ABI3BP: variants seen among roughly 807,000 people sequenced by gnomAD.
ABI3BP encodes the protein target of Nesh-SH3.
In ABI3BP, 216 loss-of-function variants were observed where a neutral mutation model predicts 268.6. The ratio of observed to expected loss-of-function variants is 0.80; its 90% CI spans 0.72 to 0.90. The LOEUF is 0.90. Among genes scored for constraint, ABI3BP ranks in the 40% least tolerant of loss-of-function variants. The pLI is 0.00. For synonymous variants in ABI3BP, 730 were observed against 730.0 expected, an observed-to-expected ratio of 1.00 and a Z score of 0.00; for missense variants, 2,090 against 2,182.4, an observed-to-expected ratio of 0.96 and a Z score of 0.84.
chr3:100,858,585 C>T (rs898791436), intron 14 of ABI3BP, among the ~76,000 whole-genome samples: 3 of 152,128 alleles, frequency 2.0e-5, no homozygotes, highest in African/African-American at 4.8e-5. Context: ...ATGTTGAAAA[C>T]AGATCCAGAA....
At chr3:100,865,370 C>T (rs1275739173) in intron 10 of ABI3BP, among the ~76,000 whole-genome samples, 2 of 152,048 alleles carry the variant, frequency 1.3e-5, no homozygotes, top group East Asian at 1.9e-4. Flanking sequence ...TTAGAGCTAC[C>T]ACATTATAAG....
intron 1 of ABI3BP, among the ~76,000 whole-genome samples, chr3:100,957,485 T>A (rs958441820): frequency 1.3e-5 from 2 of 151,638 alleles, no homozygotes; most frequent in Admixed American, 6.6e-5. Context: ...TTGAAGGGAG[T>A]GGTCAGGGCT....
At chr3:100,811,340 T>C (rs1560329140) in intron 47 of ABI3BP, 63 bp from the exon 48 acceptor site, 2 of 1,214,390 alleles carry the variant, frequency 1.6e-6, no homozygotes, top group Non-Finnish European at 2.3e-6. Context: ...AGCATTTTTT[T>C]GAATATCAAA....
In ABI3BP at chr3:100,946,488, T is replaced by C. The variant is rs1206717826; in HGVS notation, c.80-20007A>G. On this transcript the variant is annotated intron_variant, in intron 1 of 67. Coordinates refer to ENST00000471714, the MANE Select transcript of ABI3BP (RefSeq NM_001375547.2). ...AAAACAATACAATGACCATTGACAT[T>C]GTTAGAAATGAGTTTGAAGGCTGGG... 7.9e-5 allele frequency among the ~76,000 whole-genome samples: 12 copies of C among 151,810 alleles called. No homozygotes were observed. The East Asian group carries it at 2.3e-3, about 29-fold the overall frequency.
intron 12 of ABI3BP, 68 bp from the exon 13 acceptor site, chr3:100,862,977 T>G (rs2099014263): frequency 8.0e-7 from 1 of 1,256,528 alleles, no homozygotes; most frequent in African/African-American, 1.5e-5. Context: ...TTTAAAATTT[T>G]AAGCTTGCAA....
intron 49 of ABI3BP, 88 bp from the exon 50 acceptor site, chr3:100,808,323 G>C: frequency 1.1e-6 from 1 of 950,616 alleles, no homozygotes; most frequent in Non-Finnish European, 1.5e-6. Flanking sequence ...TGTTTACTGA[G>C]TGATTGAAGA....
intron 1 of ABI3BP, among the ~76,000 whole-genome samples, chr3:100,939,626 T>C (rs1397591510): frequency 6.6e-6 from 1 of 151,908 alleles, no homozygotes; most frequent in East Asian, 1.9e-4. Flanking sequence ...TACAAGGTAA[T>C]AGAATATCAC....
intron 3 of ABI3BP, among the ~76,000 whole-genome samples, chr3:100,900,002 T>G (rs528291389): frequency 2.0e-5 from 3 of 152,200 alleles, no homozygotes; most frequent in Admixed American, 6.5e-5. Context: ...TTTTGTTAAA[T>G]TTAAGTTCTG....
At position 100,749,555 on chromosome 3, in the gene ABI3BP, G is replaced by GAATT. The variant is rs1467450316; in HGVS notation, c.*936_*939dup. The stretch of plus-strand genomic sequence containing the variant: ...GTTAGTTAGATTTTTATTACAGATT[G>GAATT]AATTAAACAGTTACAAAGACATTCT... On this transcript the variant is annotated 3_prime_UTR_variant, in exon 68 of 68. Coordinates refer to ENST00000471714, the MANE Select transcript of ABI3BP (RefSeq NM_001375547.2). 1 of 353,638 alleles carries GAATT rather than the reference G, an allele frequency of 2.8e-6. No individual in the cohort carries two copies. Among genetic ancestry groups the GAATT allele is most frequent in the East Asian group, 3.8e-5 (1 of 26,260 alleles). The allele number at this position is 353,638 out of a possible 1,614,324, so 21.9% of individuals were successfully genotyped here.
intron 8 of ABI3BP, 134 bp downstream of exon 8, chr3:100,875,374 A>T: frequency 2.9e-6 from 2 of 691,204 alleles, no homozygotes; most frequent in Non-Finnish European, 5.1e-6. Flanking sequence ...ACGAGCCAGG[A>T]TGCTAAACAG....
At chr3:100,939,382 C>T (rs1229023357) in intron 1 of ABI3BP, among the ~76,000 whole-genome samples, 1 of 139,384 alleles carries the variant, frequency 7.2e-6, no homozygotes, top group African/African-American at 2.5e-5. Context: ...AGGAACCTGC[C>T]CCAATAGTCA....
intron 38 of ABI3BP, among the ~76,000 whole-genome samples, 196 bp downstream of exon 38, chr3:100,822,393 T>C (rs544925006): frequency 1.6e-4 from 24 of 152,312 alleles, no homozygotes; most frequent in Admixed American, 9.2e-4. Flanking sequence ...AAAGGAAGCA[T>C]GAGGCATTCA....
At chr3:100,789,653 A>C in intron 55 of ABI3BP, 137 bp from the exon 56 acceptor site, 1 of 721,114 alleles carries the variant, frequency 1.4e-6, no homozygotes, top group Non-Finnish European at 2.2e-6. Flanking sequence ...CCCATTATGC[A>C]TTATAGACTT....
At chr3:100,792,821 T>C (rs1577903166) in intron 54 of ABI3BP, 53 bp from the exon 55 acceptor site, 2 of 1,506,786 alleles carry the variant, frequency 1.3e-6, no homozygotes, top group East Asian at 4.5e-5. Flanking sequence ...ATTATGAATA[T>C]GACCAAAAAA....
intron 1 of ABI3BP, among the ~76,000 whole-genome samples, chr3:100,945,196 A>T (rs2071523255): frequency 6.6e-6 from 1 of 152,166 alleles, no homozygotes; most frequent in African/African-American, 2.4e-5. Context: ...AACACTAATA[A>T]TTTCCAGATA....
At chr3:100,811,879 A>C in intron 46 of ABI3BP, 80 bp from the exon 47 acceptor site, 3 of 1,025,730 alleles carry the variant, frequency 2.9e-6, no homozygotes, top group Non-Finnish European at 4.4e-6. Context: ...TTAATTTAAA[A>C]ATAGAATTGA....
chr3:100,844,004 AG>A, intron 20 of ABI3BP: 1 of 983,516 alleles, frequency 1.0e-6, no homozygotes, highest in Non-Finnish European at 1.2e-6. Flanking sequence ...TAAGCTTCAA[AG>A]TCAATTGCAC....
chr3:100,780,031 G>T, intron 58 of ABI3BP, 101 bp downstream of exon 58: 1 of 982,854 alleles, frequency 1.0e-6, no homozygotes, highest in Non-Finnish European at 1.6e-6. Context: ...TACTTCGGGG[G>T]CTGTGTGGAT....
chr3:100,870,833 C>A (rs2099102043), intron 9 of ABI3BP, among the ~76,000 whole-genome samples: 1 of 152,132 alleles, frequency 6.6e-6, no homozygotes, highest in African/African-American at 2.4e-5. Flanking sequence ...AATTATGGTA[C>A]ACACACACTG....
Sources: gnomAD v4.1 joint callset for allele counts (sites outside exome capture counted in the v4.1 genomes callset) on GRCh38, gnomAD v4.1.1 for gene constraint, MANE v1.5 for transcripts, NCBI Gene and HGNC (gene_info 2026-07-23, HGNC 2026-07-21) for gene names.